Variants in UNC5B observed in about 807,000 individuals in gnomAD.
UNC5B encodes the protein unc-5 netrin receptor B.
In UNC5B, 56 loss-of-function variants were observed where a neutral mutation model predicts 103.7. That is an observed-to-expected ratio of 0.54 (90% CI 0.44 to 0.67). UNC5B has a LOEUF of 0.67. Among genes scored for constraint, UNC5B ranks in the 30% least tolerant of loss-of-function variants. The pLI is 0.00. For synonymous variants in UNC5B, 577 were observed against 542.0 expected, an observed-to-expected ratio of 1.06 and a Z score of -0.90; for missense variants, 1,194 against 1,284.5, an observed-to-expected ratio of 0.93 and a Z score of 1.08.
chr10:71,240,695 C>G (rs553290152), intron 1 of UNC5B, among the ~76,000 whole-genome samples: 169 of 152,340 alleles, frequency 1.1e-3, no homozygotes, highest in African/African-American at 3.9e-3. Flanking sequence ...CTCCACTACT[C>G]GGTCTCATTT....
intron 1 of UNC5B, among the ~76,000 whole-genome samples, chr10:71,224,644 A>G (rs1024033744): frequency 5.3e-5 from 8 of 152,062 alleles, no homozygotes; most frequent in Non-Finnish European, 1.2e-4. Context: ...ACTAACTGCA[A>G]TTTCATGAGC....
At chr10:71,275,704 A>G (rs1005854134) in intron 1 of UNC5B, among the ~76,000 whole-genome samples, 3 of 151,948 alleles carry the variant, frequency 2.0e-5, no homozygotes, top group African/African-American at 7.3e-5. Context: ...ATCATATCCA[A>G]CTCATAGGCT....
intron 15 of UNC5B, among the ~76,000 whole-genome samples, chr10:71,297,603 A>T (rs2394787): frequency 0.96 from 146,391 of 152,358 alleles, 70,417 homozygotes; most frequent in African/African-American, 0.99. Flanking sequence ...CCTGTACAAG[A>T]GGGTGCATGT....
At chr10:71,266,110 C>T (rs1377846788) in intron 1 of UNC5B, among the ~76,000 whole-genome samples, 1 of 152,134 alleles carries the variant, frequency 6.6e-6, no homozygotes, top group Non-Finnish European at 1.5e-5. Flanking sequence ...CCTTATCCCT[C>T]CTCAAGAAAT....
intron 1 of UNC5B, among the ~76,000 whole-genome samples, chr10:71,236,760 T>C (rs1843783156): frequency 6.6e-6 from 1 of 152,168 alleles, no homozygotes; most frequent in Non-Finnish European, 1.5e-5. Flanking sequence ...TCTGGGAGAA[T>C]GGATGGGGAG....
rs1589207685 is a variant in UNC5B at position 71,296,610 on chromosome 10, C to A, written c.2358C>A (p.Ser786Arg). The A allele has an allele frequency of 1.9e-6, 3 of 1,613,728 alleles. No individual in the cohort carries two copies. Among genetic ancestry groups the A allele is most frequent in the African/African-American group, 2.7e-5 (2 of 74,948 alleles). Residue 786 changes from serine (S) to arginine (R), a missense_variant, in exon 15 of 17, where the codon AGC (serine) becomes AGA (arginine). By Grantham distance (110) the Ser-to-Arg change is moderately radical (BLOSUM62 -1). Transcript: ENST00000335350. ...CCTTCTATCACATTTGGAGTGGCAG[C>A]CAGAAGGCCCTCCACTGCACTTTCA... ...EIPFYHIWSG[S>R]QKALHCTFTL...
At chr10:71,253,279 C>A (rs903535764) in intron 1 of UNC5B, among the ~76,000 whole-genome samples, 2 of 152,214 alleles carry the variant, frequency 1.3e-5, no homozygotes, top group Non-Finnish European at 2.9e-5. Context: ...CTCCTTTCCC[C>A]GTAGCTTGGT....
Position 71,285,345 on chromosome 10 carries a change from T to G in UNC5B, c.468T>G (p.Asp156Glu). Residue 156 changes from aspartate to glutamate, a missense_variant, in exon 4 of 17, where the codon GAT (aspartate) becomes GAG (glutamate). By Grantham distance (45) the Asp-to-Glu change is conservative. Transcript: ENST00000335350. ...VRIAYLRKNF[D>E]QEPLGKEVPL... Reference sequence around the variant, plus strand: ...TCCCAGACCTGCGCAAGAACTTCGATCAGGAGCCTCTGGGCAAGGAGGTGC... The same window carrying G: ...TCCCAGACCTGCGCAAGAACTTCGAGCAGGAGCCTCTGGGCAAGGAGGTGC... 1 of 1,611,162 alleles carries G rather than the reference T, an allele frequency of 6.2e-7. No individual in the cohort carries two copies. The highest frequency in any genetic ancestry group is 8.5e-7 in the Non-Finnish European group (1 of 1,179,050).
At chr10:71,271,184 TA>T (rs1393613794) in intron 1 of UNC5B, among the ~76,000 whole-genome samples, 1 of 152,184 alleles carries the variant, frequency 6.6e-6, no homozygotes, top group Admixed American at 6.5e-5. Context: ...GACAGAACAA[TA>T]GCTGTCCCTG....
Position 71,291,118 on chromosome 10 carries a change from C to A in UNC5B, c.1294+9C>A, listed in dbSNP as rs1459289031. ...TAAGACGGCAAGGCCCAGTAAGAAC[C>A]CGAGGATGTCTGGGGTGGTTGGCAG... On this transcript the variant is annotated intron_variant, in intron 9 of 16. Coordinates refer to ENST00000335350, the MANE Select transcript of UNC5B (RefSeq NM_170744.5). The A allele has an allele frequency of 1.2e-6, 2 of 1,609,062 alleles. No individual in the cohort carries two copies. The highest frequency in any genetic ancestry group is 2.2e-5 in the East Asian group (1 of 44,802).
At chr10:71,297,347 G>A (rs1415740841) in intron 15 of UNC5B, among the ~76,000 whole-genome samples, 1 of 152,270 alleles carries the variant, frequency 6.6e-6, no homozygotes, top group Non-Finnish European at 1.5e-5. Flanking sequence ...GCAAGGATTT[G>A]CACACAGTAC....
chr10:71,292,637 G>GA, intron 11 of UNC5B, 83 bp downstream of exon 11: 2 of 1,234,912 alleles, frequency 1.6e-6, no homozygotes, highest in Admixed American at 4.1e-5. Flanking sequence ...TTCTAAGCCT[G>GA]ATGCCAAGAC....
intron 8 of UNC5B, 39 bp downstream of exon 8, chr10:71,289,029 G>GA (rs1845175961): frequency 1.9e-6 from 3 of 1,613,954 alleles, no homozygotes; most frequent in Non-Finnish European, 2.5e-6. Context: ...TCCTCTGGGG[G>GA]ATCCCTGGTT....
intron 1 of UNC5B, among the ~76,000 whole-genome samples, chr10:71,270,729 C>T (rs1844628189): frequency 6.6e-6 from 1 of 152,098 alleles, no homozygotes; most frequent in Admixed American, 6.5e-5. Flanking sequence ...GAAAGGGAGC[C>T]ACCAGGCATC....
At chr10:71,268,517 G>A (rs925757008) in intron 1 of UNC5B, among the ~76,000 whole-genome samples, 1 of 152,156 alleles carries the variant, frequency 6.6e-6, no homozygotes, top group Non-Finnish European at 1.5e-5. Flanking sequence ...GGGCTTGGAT[G>A]CAGTTTTGAA....
At position 71,295,800 on chromosome 10, in the gene UNC5B, CT is replaced by C; in HGVS notation, c.2176-10del. ...TGATGGGTTCCCCTTCCCCATGCCC[CT>C]GGCCCACAGGAGGTGCTGGAGCTGG... On this transcript the variant is annotated splice_polypyrimidine_tract_variant and intron_variant, in intron 13 of 16. Coordinates refer to ENST00000335350, the MANE Select transcript of UNC5B (RefSeq NM_170744.5). 6.2e-7 allele frequency: 1 copy of C among 1,610,856 alleles called. No homozygotes were observed. Among genetic ancestry groups the C allele is most frequent in the South Asian group, 1.1e-5 (1 of 90,788 alleles).
intron 1 of UNC5B, among the ~76,000 whole-genome samples, chr10:71,258,761 A>G (rs1468280313): frequency 2.0e-5 from 3 of 152,236 alleles, no homozygotes; most frequent in Non-Finnish European, 2.9e-5. Context: ...CTCCAGAGTC[A>G]CCAAGGTCCC....
chr10:71,226,917 T>C (rs1843576097), intron 1 of UNC5B, among the ~76,000 whole-genome samples: 1 of 151,822 alleles, frequency 6.6e-6, no homozygotes, highest in African/African-American at 2.4e-5. Context: ...GGAATACTAC[T>C]CAGTCATAAA....
chr10:71,290,370 C>G (rs1845215206), intron 8 of UNC5B, among the ~76,000 whole-genome samples: 2 of 152,202 alleles, frequency 1.3e-5, no homozygotes, highest in African/African-American at 4.8e-5. Context: ...ACCTCTTCTC[C>G]ACCGCATTGT....
Sources: gnomAD v4.1 joint callset for allele counts (sites outside exome capture counted in the v4.1 genomes callset) on GRCh38, gnomAD v4.1.1 for gene constraint, MANE v1.5 for transcripts, NCBI Gene and HGNC (gene_info 2026-07-23, HGNC 2026-07-21) for gene names.